Variants in LAMA2 observed in about 807,000 individuals in gnomAD.
The protein encoded by LAMA2 is laminin subunit alpha-2.
LAMA2 carries 269 observed loss-of-function variants against 364.8 expected under a neutral mutation model. The ratio of observed to expected loss-of-function variants is 0.74; its 90% confidence interval spans 0.67 to 0.82. The LOEUF (loss-of-function observed/expected upper bound fraction) is 0.82. LAMA2 is among the 40% of genes least tolerant of loss of function. LAMA2 has a pLI of 0.00. For synonymous variants in LAMA2, 1,379 were observed against 1,370.6 expected (o/e 1.01, Z -0.14); for missense variants, 3,807 against 3,873.2 (o/e 0.98, Z 0.45).
At chr6:129,427,946 T>C in intron 41 of LAMA2, 92 bp downstream of exon 41, 1 of 852,946 alleles carries the variant, frequency 1.2e-6, no homozygotes. Context: ...GTAATTTCTT[T>C]AGCATGATTT....
intron 10 of LAMA2, among the ~76,000 whole-genome samples, chr6:129,188,775 A>T (rs1446818538): frequency 6.6e-6 from 1 of 151,960 alleles, no homozygotes. Context: ...TCAAAAAGTT[A>T]ATTTAAAACA....
chr6:129,422,064 C>A (rs1781099416), intron 40 of LAMA2, among the ~76,000 whole-genome samples: 1 of 152,050 alleles, frequency 6.6e-6, no homozygotes, highest in Non-Finnish European at 1.5e-5. Flanking sequence ...TGTCTAATAG[C>A]CTTACTTCTC....
chr6:129,445,878 A>G, intron 45 of LAMA2, 57 bp downstream of exon 45: 2 of 1,493,016 alleles, frequency 1.3e-6, no homozygotes, highest in Non-Finnish European at 1.9e-6. Flanking sequence ...GATTATTCAT[A>G]GAGGGAATGT....
At chr6:129,146,620 A>G (rs1331589253) in intron 5 of LAMA2, among the ~76,000 whole-genome samples, 1 of 152,078 alleles carries the variant, frequency 6.6e-6, no homozygotes, top group Non-Finnish European at 1.5e-5. Flanking sequence ...GCAAGAAACT[A>G]TGTAAAACAA....
At chr6:129,131,776 T>A (rs1562263785) in intron 4 of LAMA2, among the ~76,000 whole-genome samples, 1 of 152,242 alleles carries the variant, frequency 6.6e-6, no homozygotes, top group Non-Finnish European at 1.5e-5. Context: ...CTATAAGCCA[T>A]GTAAAATTAA....
chr6:128,978,439 T>A (rs1782666344), intron 1 of LAMA2, among the ~76,000 whole-genome samples: 1 of 151,140 alleles, frequency 6.6e-6, no homozygotes, highest in South Asian at 2.1e-4. Context: ...TGCCTCAGCC[T>A]CCTGAGTAGC....
intron 16 of LAMA2, among the ~76,000 whole-genome samples, chr6:129,270,316 C>G (rs111494670): frequency 8.0e-6 from 1 of 124,296 alleles, no homozygotes; most frequent in Admixed American, 8.3e-5. Context: ...CACACACACA[C>G]GCAATATCAT....
chr6:129,224,850 A>G (rs1784136056), intron 12 of LAMA2, among the ~76,000 whole-genome samples: 1 of 152,194 alleles, frequency 6.6e-6, no homozygotes, highest in Non-Finnish European at 1.5e-5. Context: ...GGCCTCATCA[A>G]ATGAGTTAGA....
intron 12 of LAMA2, among the ~76,000 whole-genome samples, chr6:129,233,346 T>C (rs997569159): frequency 6.6e-6 from 1 of 152,240 alleles, no homozygotes; most frequent in African/African-American, 2.4e-5. Context: ...CAGTTGAAAA[T>C]TTGTTTATAA....
chr6:128,933,444 G>T (rs1428248567), intron 1 of LAMA2, among the ~76,000 whole-genome samples: 1 of 152,136 alleles, frequency 6.6e-6, no homozygotes, highest in Admixed American at 6.5e-5. Context: ...AAATGGGATT[G>T]CTGGGTCATA....
At chr6:129,261,293 G>T (rs1172460552) in intron 15 of LAMA2, among the ~76,000 whole-genome samples, 1 of 151,740 alleles carries the variant, frequency 6.6e-6, no homozygotes, top group East Asian at 1.9e-4. Flanking sequence ...AGAATGTCAA[G>T]AATATAATAT....
At chr6:129,455,268 A>T (rs79424165) in intron 47 of LAMA2, among the ~76,000 whole-genome samples, 1 of 152,074 alleles carries the variant, frequency 6.6e-6, no homozygotes, top group Non-Finnish European at 1.5e-5. Context: ...ATAAAAAAAA[A>T]TGAGAAGCAA....
chr6:129,022,440 T>G (rs1429388815), intron 1 of LAMA2, among the ~76,000 whole-genome samples: 1 of 152,186 alleles, frequency 6.6e-6, no homozygotes, highest in African/African-American at 2.4e-5. Flanking sequence ...ACTCATTTAC[T>G]CCGAAATTAA....
At chr6:129,475,183 A>C (rs906125075) in intron 52 of LAMA2, among the ~76,000 whole-genome samples, 1 of 151,938 alleles carries the variant, frequency 6.6e-6, no homozygotes, top group African/African-American at 2.4e-5. Flanking sequence ...AGCTACGGTC[A>C]TATTTTGATT....
intron 27 of LAMA2, among the ~76,000 whole-genome samples, chr6:129,319,810 G>A (rs1408037329): frequency 1.3e-5 from 2 of 152,102 alleles, no homozygotes; most frequent in Non-Finnish European, 2.9e-5. Context: ...TTATAATAAA[G>A]TGAGCTAGAG....
At chr6:129,488,909 T>C (rs1300092582) in intron 56 of LAMA2, among the ~76,000 whole-genome samples, 1 of 152,256 alleles carries the variant, frequency 6.6e-6, no homozygotes, top group Non-Finnish European at 1.5e-5. Context: ...TTGTTTTCAT[T>C]GTTCTGAATG....
chr6:129,139,207 A>G (rs1260354224), intron 4 of LAMA2, among the ~76,000 whole-genome samples: 1 of 152,104 alleles, frequency 6.6e-6, no homozygotes, highest in Non-Finnish European at 1.5e-5. Context: ...ACTCTGTGCT[A>G]GAAACACAAT....
At chr6:129,137,231 C>T (rs975829677) in intron 4 of LAMA2, among the ~76,000 whole-genome samples, 2 of 150,264 alleles carry the variant, frequency 1.3e-5, no homozygotes, top group African/African-American at 4.9e-5. Flanking sequence ...TCTATTTGGT[C>T]GTGTAAATTT....
At chr6:129,382,330 A>G (rs901031038) in intron 34 of LAMA2, among the ~76,000 whole-genome samples, 4 of 152,252 alleles carry the variant, frequency 2.6e-5, no homozygotes, top group South Asian at 2.1e-4. Flanking sequence ...TGTTATACAC[A>G]CACCATTTTT....
Sources: allele counts gnomAD v4.1 joint callset (sites outside exome capture counted in the v4.1 genomes callset), GRCh38; gene constraint gnomAD v4.1.1; transcripts MANE v1.5; gene names NCBI Gene and HGNC (gene_info 2026-07-23, HGNC 2026-07-21).